COLEC10: variants seen among roughly 807,000 people sequenced by gnomAD.
COLEC10 encodes collectin subfamily member 10, also known as collectin-10.
A neutral mutation model predicts 28.4 loss-of-function variants in COLEC10; 22 were observed. The observed-to-expected ratio is 0.78, with a 90% confidence interval of 0.55 to 1.11. COLEC10 has a LOEUF of 1.11. Among genes scored for constraint, COLEC10 ranks in the 50% least tolerant of loss-of-function variants. COLEC10 has a pLI of 0.00. For missense variants in COLEC10, 361 were observed against 344.1 expected, an observed-to-expected ratio of 1.05 and a Z score of -0.39; for synonymous variants, 125 against 116.1, an observed-to-expected ratio of 1.08 and a Z score of -0.49.
chr8:118,998,248 A>C (rs540447722), intron 1 of COLEC10, among the ~76,000 whole-genome samples: 25 of 152,224 alleles, frequency 1.6e-4, no homozygotes, highest in Non-Finnish European at 3.5e-4. Context: ...TTTACCCATG[A>C]CATATTTCCC....
upstream of COLEC10, among the ~76,000 whole-genome samples, chr8:118,993,031 G>T (rs1813529357): frequency 6.6e-6 from 1 of 152,280 alleles, no homozygotes; most frequent in Admixed American, 6.5e-5. Context: ...AGTTCCCTTT[G>T]CAGGGAGGTT....
intron 1 of COLEC10, among the ~76,000 whole-genome samples, chr8:119,069,821 T>C (rs1006473199): frequency 8.6e-5 from 13 of 151,400 alleles, no homozygotes; most frequent in Admixed American, 6.6e-4. Context: ...TACTGTTTTT[T>C]CAATATTTTT....
chr8:118,996,226 A>G (rs1813586664), intron 1 of COLEC10, among the ~76,000 whole-genome samples: 1 of 152,240 alleles, frequency 6.6e-6, no homozygotes, highest in African/African-American at 2.4e-5. Flanking sequence ...GCTAAGGCTG[A>G]ATAGTTTTCC....
chr8:119,062,008 C>T (rs1345926701), intron 2 of COLEC10, among the ~76,000 whole-genome samples: 1 of 151,682 alleles, frequency 6.6e-6, no homozygotes, highest in Admixed American at 6.6e-5. Flanking sequence ...GAAAGCTATG[C>T]AAAAAAACCA....
At chr8:118,953,685 G>A in the COLEC10 span, among the ~76,000 whole-genome samples, 1 of 152,142 alleles carries the variant, frequency 6.6e-6, no homozygotes, top group Non-Finnish European at 1.5e-5. Context: ...CTAATTATGA[G>A]CATTAAATAA....
At chr8:118,986,311 G>A in the COLEC10 span, among the ~76,000 whole-genome samples, 1 of 152,126 alleles carries the variant, frequency 6.6e-6, no homozygotes, top group African/African-American at 2.4e-5. Flanking sequence ...GAATGCATCT[G>A]ATGCTCTGAG....
intron 2 of COLEC10, among the ~76,000 whole-genome samples, chr8:119,061,994 C>T (rs566025210): frequency 6.6e-6 from 1 of 152,092 alleles, no homozygotes; most frequent in South Asian, 2.1e-4. Context: ...GGGTTTGGTA[C>T]ATAGAAAGCT....
At chr8:118,990,596 G>C (rs551419834), upstream of COLEC10, among the ~76,000 whole-genome samples, 29 of 152,198 alleles carry the variant, frequency 1.9e-4, no homozygotes, top group African/African-American at 7.0e-4. Flanking sequence ...GAGCTTCAAA[G>C]GGAAATAATT....
chr8:118,965,531 G>C, the COLEC10 span, among the ~76,000 whole-genome samples: 1 of 151,896 alleles, frequency 6.6e-6, no homozygotes, highest in Non-Finnish European at 1.5e-5. Flanking sequence ...TGGTGACCGG[G>C]GCTGAGCCAC....
At chr8:118,973,289 T>C in the COLEC10 span, among the ~76,000 whole-genome samples, 2 of 151,998 alleles carry the variant, frequency 1.3e-5, no homozygotes, top group African/African-American at 4.8e-5. Flanking sequence ...TTGTAACTTC[T>C]ATGGGTCAGG....
At chr8:118,992,197 G>A (rs1219230549), upstream of COLEC10, among the ~76,000 whole-genome samples, 2 of 152,064 alleles carry the variant, frequency 1.3e-5, no homozygotes, top group Admixed American at 6.6e-5. Flanking sequence ...ATAAATATTA[G>A]CCTTCACTAT....
At chr8:119,104,751 C>G (rs1009171440) in intron 5 of COLEC10, among the ~76,000 whole-genome samples, 1 of 152,134 alleles carries the variant, frequency 6.6e-6, no homozygotes. Context: ...ACTAACCACA[C>G]TAATTATAAC....
chr8:119,067,400 CCA>C lies in COLEC10; in HGVS notation c.128_129del (p.Thr43AsnfsTer9), dbSNP rs749987061. ...AGCCGTCCTACCGCTGAAGTCTGTG[CCA>C]CACACACAATTTCACCAGGACCCAA... is the stretch of plus-strand genomic sequence containing the variant. On this transcript the variant is annotated frameshift_variant, in exon 1 of 6. Coordinates refer to ENST00000332843, the MANE Select transcript of COLEC10 (RefSeq NM_006438.5). LOFTEE classifies it high-confidence loss of function. 8 of 1,613,752 alleles carry C rather than the reference CCA, an allele frequency of 5.0e-6. No homozygotes were observed. The highest frequency in any genetic ancestry group is 4.5e-5 in the East Asian group (2 of 44,886).
At position 119,077,103 on chromosome 8, in the gene COLEC10, T is replaced by C. The variant is rs558798716; in HGVS notation, c.148+9674T>C. Among the ~76,000 whole-genome samples the C allele has an allele frequency of 1.6e-3, 242 of 152,272 alleles. 1 individual carries two copies. The highest frequency in any genetic ancestry group is 5.6e-3 in the African/African-American group (233 of 41,552). On this transcript the variant is annotated intron_variant, in intron 1 of 5. Coordinates refer to ENST00000332843, the MANE Select transcript of COLEC10 (RefSeq NM_006438.5). ...TGCTAGACCACAGCCACAGACCAAA[T>C]ACTCTGAAATAAAGCTCACATAAAA... is the stretch of plus-strand genomic sequence containing the variant.
the COLEC10 span, among the ~76,000 whole-genome samples, chr8:118,964,181 C>T: frequency 6.6e-6 from 1 of 152,132 alleles, no homozygotes; most frequent in East Asian, 1.9e-4. Flanking sequence ...TGTTGCCTGG[C>T]ACACCTAATA....
intron 1 of COLEC10, among the ~76,000 whole-genome samples, chr8:118,998,299 C>G (rs971155002): frequency 6.6e-6 from 1 of 152,088 alleles, no homozygotes; most frequent in Non-Finnish European, 1.5e-5. Flanking sequence ...TGTGGATAAA[C>G]TTAAACTCTA....
At chr8:118,969,779 ACGCACTGTAG>A in the COLEC10 span, among the ~76,000 whole-genome samples, 1 of 151,404 alleles carries the variant, frequency 6.6e-6, no homozygotes, top group Non-Finnish European at 1.5e-5. Flanking sequence ...TATTTATTAC[ACGCACTGTAG>A]CAAATTATCT....
chr8:119,101,505 C>G (rs1815825169), intron 3 of COLEC10, among the ~76,000 whole-genome samples: 1 of 152,082 alleles, frequency 6.6e-6, no homozygotes, highest in Non-Finnish European at 1.5e-5. Flanking sequence ...TCCTGCTTCT[C>G]TGAGAATTAT....
chr8:118,964,825 C>T, the COLEC10 span, among the ~76,000 whole-genome samples: 10 of 152,268 alleles, frequency 6.6e-5, no homozygotes, highest in South Asian at 6.2e-4. Flanking sequence ...ATGGTACAAG[C>T]GGTCACATCG....
Sources: allele counts gnomAD v4.1 joint callset (sites outside exome capture counted in the v4.1 genomes callset), GRCh38; gene constraint gnomAD v4.1.1; transcripts MANE v1.5; gene names NCBI Gene and HGNC (gene_info 2026-07-23, HGNC 2026-07-21).